PDPR: variants seen among roughly 807,000 people sequenced by gnomAD.
The protein encoded by PDPR is pyruvate dehydrogenase phosphatase regulatory subunit, mitochondrial.
PDPR carries 50 observed loss-of-function variants against 102.2 expected under a neutral mutation model. The ratio of observed to expected loss-of-function variants is 0.49; its 90% CI spans 0.39 to 0.62. The LOEUF is 0.62. Among genes scored for constraint, PDPR ranks in the 20% least tolerant of loss-of-function variants. The pLI is 0.00. For synonymous variants in PDPR, 259 were observed against 406.0 expected, an observed-to-expected ratio of 0.64 and a Z score of 4.35; for missense variants, 625 against 1,098.2, an observed-to-expected ratio of 0.57 and a Z score of 6.09.
chr16:70,152,403 C>T (rs1224654317), intron 17 of PDPR, among the ~76,000 whole-genome samples: 2 of 152,260 alleles, frequency 1.3e-5, no homozygotes, highest in Non-Finnish European at 2.9e-5. Context: ...CCTATAGTAC[C>T]AGCTACTCGG....
intron 17 of PDPR, among the ~76,000 whole-genome samples, chr16:70,150,506 A>G (rs1014949335): frequency 1.3e-5 from 2 of 150,086 alleles, no homozygotes; most frequent in African/African-American, 4.9e-5. Flanking sequence ...TAGTCATACT[A>G]CTTGTAGTGA....
At chr16:70,150,418 C>A (rs1000734775) in intron 17 of PDPR, among the ~76,000 whole-genome samples, 29 of 152,294 alleles carry the variant, frequency 1.9e-4, no homozygotes, top group African/African-American at 6.7e-4. Flanking sequence ...AGTCTTTCTT[C>A]CTATAATTTC....
chr16:70,122,979 C>T (rs1259504690), intron 3 of PDPR, among the ~76,000 whole-genome samples: 1 of 152,208 alleles, frequency 6.6e-6, no homozygotes, highest in African/African-American at 2.4e-5. Context: ...CGGCTCACTG[C>T]AACCTGTGCC....
intron 17 of PDPR, among the ~76,000 whole-genome samples, chr16:70,148,775 A>T (rs1184412387): frequency 6.6e-6 from 1 of 152,274 alleles, no homozygotes; most frequent in African/African-American, 2.4e-5. Flanking sequence ...TGAATAGGTG[A>T]TACATTTAAA....
At chr16:70,125,552 C>A (rs1036932173) in intron 3 of PDPR, among the ~76,000 whole-genome samples, 16,680 of 106,262 alleles carry the variant, frequency 0.16, 9 homozygotes, top group South Asian at 0.22. Context: ...AACTGCGTCT[C>A]AAAAAAAAAA....
At chr16:70,126,156 G>C (rs192496653) in intron 3 of PDPR, among the ~76,000 whole-genome samples, 1 of 152,228 alleles carries the variant, frequency 6.6e-6, no homozygotes, top group African/African-American at 2.4e-5. Flanking sequence ...GGTACATAAA[G>C]ACCTTTTCAT....
At position 70,162,156 on chromosome 16, in the gene PDPR, G is replaced by C. The variant is rs1967851388; in HGVS notation, c.*5277G>C. The C allele has an allele frequency of 6.6e-6, 1 of 152,528 alleles. No homozygotes were observed. The highest frequency in any genetic ancestry group is 2.4e-5 in the African/African-American group (1 of 41,472). 9.4% of individuals were successfully genotyped at this position (152,528 alleles called of 1,614,324 possible). On this transcript the variant is annotated 3_prime_UTR_variant, in exon 19 of 19. Transcript: ENST00000288050. ...CGGAACAATGGGCGTGGGGTAGAAA[G>C]CTCTTTCAGTGAAGGGTGTTCTAGC...
chr16:70,115,280 C>T (rs1422097555), intron 2 of PDPR, among the ~76,000 whole-genome samples: 1 of 152,064 alleles, frequency 6.6e-6, no homozygotes, highest in Non-Finnish European at 1.5e-5. Flanking sequence ...TGCGCCACCA[C>T]GCCCGGCTAA....
Position 70,120,931 on chromosome 16 carries a change from C to CTT in PDPR, c.227+237_227+238dup, listed in dbSNP as rs71385643. Among the ~76,000 whole-genome samples, 59 of 103,054 alleles carry CTT rather than the reference C, an allele frequency of 5.7e-4. 1 individual carries two copies. Among genetic ancestry groups the CTT allele is most frequent in the Non-Finnish European group, 7.1e-4 (38 of 53,658 alleles). The allele number at this position is 103,054 out of a possible 152,430, so 67.6% of individuals were successfully genotyped here. On this transcript the variant is annotated intron_variant, in intron 3 of 18. Transcript: ENST00000288050. ...TAGAGAGTTGGCAAATTTCGTTTTC[C>CTT]TTTTTTTTTTTTTTTTTTTTTTTTT...
chr16:70,124,415 C>G (rs1963705585), intron 3 of PDPR, among the ~76,000 whole-genome samples: 1 of 152,268 alleles, frequency 6.6e-6, no homozygotes, highest in Non-Finnish European at 1.5e-5. Context: ...TGGTTTTATA[C>G]TGCCCTTTAT....
intron 17 of PDPR, among the ~76,000 whole-genome samples, chr16:70,150,803 C>T (rs1251694911): frequency 6.6e-6 from 1 of 152,222 alleles, no homozygotes; most frequent in Non-Finnish European, 1.5e-5. Context: ...TGAGCCACTA[C>T]CCCGACCTTA....
rs527385274 is a variant in PDPR at position 70,131,754 on chromosome 16, G to A, written c.847+335G>A. ...ATGTCATAGGTAAACAATAGACTTA[G>A]GTGGGTTCGTGGTTCCAAGCACTGT... On this transcript the variant is annotated intron_variant, in intron 8 of 18. Coordinates refer to ENST00000288050, the MANE Select transcript of PDPR (RefSeq NM_017990.5). 325 of 985,264 alleles carry A rather than the reference G, an allele frequency of 3.3e-4. 1 individual carries two copies. Among genetic ancestry groups the A allele is most frequent in the Non-Finnish European group, 3.7e-4 (306 of 829,734 alleles). 61.0% of individuals were successfully genotyped at this position (985,264 alleles called of 1,614,324 possible).
rs535746595 is a variant in PDPR at position 70,120,633 on chromosome 16, C to T, written c.141C>T (p.Ile47=). The change falls in exon 3 of 19, where the codon ATC becomes ATT. Residue 47 remains isoleucine, a synonymous_variant. Coordinates refer to ENST00000288050, the MANE Select transcript of PDPR (RefSeq NM_017990.5). ...MALPTQAQVV[I]CGGGITGTSV... is the part of the protein sequence containing the mutation. ...TGCCCACCCAGGCACAGGTGGTCAT[C>T]TGTGGAGGTGGAATCACGGGCACTT... 1 of 1,613,888 alleles carries T rather than the reference C, an allele frequency of 6.2e-7. No homozygotes were observed. Among genetic ancestry groups the T allele is most frequent in the East Asian group, 2.2e-5 (1 of 44,884 alleles).
intron 18 of PDPR, among the ~76,000 whole-genome samples, chr16:70,155,898 G>T (rs1386563571): frequency 1.3e-5 from 2 of 151,432 alleles, no homozygotes; most frequent in African/African-American, 2.4e-5. Context: ...TGCCACCCAG[G>T]TTCAAACGAT....
intron 17 of PDPR, among the ~76,000 whole-genome samples, chr16:70,149,128 C>A (rs1379645355): frequency 6.6e-6 from 1 of 151,752 alleles, no homozygotes; most frequent in Non-Finnish European, 1.5e-5. Flanking sequence ...CTCCTGACCT[C>A]AGGTGATACA....
At chr16:70,121,471 C>T (rs1441462903) in intron 3 of PDPR, among the ~76,000 whole-genome samples, 1 of 151,530 alleles carries the variant, frequency 6.6e-6, no homozygotes, top group Non-Finnish European at 1.5e-5. Context: ...GTGGGCAGAT[C>T]ACCTCAGGTC....
rs937458195 is a variant in PDPR, at chr16:70,159,098, T to G, written c.*2219T>G. 1 of 152,342 alleles carries G rather than the reference T, an allele frequency of 6.6e-6. No homozygotes were observed. The highest frequency in any genetic ancestry group is 6.5e-5 in the Admixed American group (1 of 15,284). 9.4% of individuals were successfully genotyped at this position (152,342 alleles called of 1,614,324 possible). On this transcript the variant is annotated 3_prime_UTR_variant, in exon 19 of 19. Coordinates refer to ENST00000288050, the MANE Select transcript of PDPR (RefSeq NM_017990.5). ...CCATCATCACAGTATATTAGTCAAA[T>G]AGAAGCTTCATCAGAAATGTATCCC...
At chr16:70,127,606 G>A (rs1356913499) in intron 4 of PDPR, among the ~76,000 whole-genome samples, 2 of 152,334 alleles carry the variant, frequency 1.3e-5, no homozygotes, top group Non-Finnish European at 2.9e-5. Flanking sequence ...TGGCTAACAT[G>A]GTGAAACCCC....
chr16:70,157,353 G>A lies in PDPR; in HGVS notation c.*474G>A, dbSNP rs1337551574. The A allele has an allele frequency of 1.1e-5, 4 of 375,824 alleles. No individual in the cohort carries two copies. The East Asian group carries it at 2.9e-4, about 27-fold the overall frequency. The allele number at this position is 375,824 out of a possible 1,614,324, so 23.3% of individuals were successfully genotyped here. A position where few individuals can be genotyped will look rare whatever the true frequency, so the allele number is the denominator to read the frequency against. On this transcript the variant is annotated 3_prime_UTR_variant, in exon 19 of 19. Transcript: ENST00000288050. ...GATGCAGCCCTGAGGGGCAGCTCGT[G>A]CCTGCAGCCCGGCAGCTCGTTCTCC...
Sources: allele counts gnomAD v4.1 joint callset (sites outside exome capture counted in the v4.1 genomes callset), GRCh38; gene constraint gnomAD v4.1.1; transcripts MANE v1.5; gene names NCBI Gene and HGNC (gene_info 2026-07-23, HGNC 2026-07-21).